Variants in DSG1 observed in about 807,000 individuals in gnomAD.
The protein encoded by DSG1 is desmoglein-1.
Under a neutral mutation model 97.5 loss-of-function variants are expected in DSG1, and 39 were observed. The ratio of observed to expected loss-of-function variants is 0.40; its 90% CI spans 0.31 to 0.52. The LOEUF is 0.52. DSG1 is among the 20% of genes least tolerant of loss of function. DSG1 has a pLI of 0.53. For missense variants in DSG1, 1,311 were observed against 1,295.4 expected (o/e 1.01, Z -0.18); for synonymous variants, 475 against 443.4 (o/e 1.07, Z -0.90).
chr18:31,323,667 T>C (rs2071667438), intron 1 of DSG1, among the ~76,000 whole-genome samples: 1 of 152,196 alleles, frequency 6.6e-6, no homozygotes, highest in Non-Finnish European at 1.5e-5. Flanking sequence ...ATCTTGTCCC[T>C]CTGTTCCCTT....
chr18:31,325,594 C>T (rs760617629), intron 1 of DSG1, among the ~76,000 whole-genome samples: 9 of 151,904 alleles, frequency 5.9e-5, no homozygotes, highest in Admixed American at 1.3e-4. Flanking sequence ...AAATTTGGGC[C>T]ATTTACTTTT....
intron 13 of DSG1, chr18:31,345,345 CT>C (rs199851697): frequency 1.1e-4 from 17 of 149,782 alleles, no homozygotes; most frequent in Non-Finnish European, 1.5e-4. Context: ...TCAAATATTT[CT>C]TTTTTTTTTA....
intron 14 of DSG1, among the ~76,000 whole-genome samples, chr18:31,351,416 G>A (rs2144120559): frequency 6.8e-6 from 1 of 148,064 alleles, no homozygotes; most frequent in Non-Finnish European, 1.5e-5. Context: ...GAATAGGTGT[G>A]GTGTGGTGCT....
At chr18:31,340,649 A>G (rs2071783419) in intron 11 of DSG1, among the ~76,000 whole-genome samples, 2 of 152,132 alleles carry the variant, frequency 1.3e-5, no homozygotes, top group African/African-American at 4.8e-5. Context: ...TGGACAAGAG[A>G]AAGGGAACAC....
chr18:31,347,450 A>G (rs1284815099), intron 14 of DSG1, among the ~76,000 whole-genome samples: 1 of 152,104 alleles, frequency 6.6e-6, no homozygotes, highest in East Asian at 1.9e-4. Context: ...CTCACCCAAA[A>G]TGTAAGCTCT....
chr18:31,324,263 TGA>T (rs2071672304), intron 1 of DSG1, among the ~76,000 whole-genome samples: 1 of 150,500 alleles, frequency 6.6e-6, no homozygotes, highest in Admixed American at 6.6e-5. Context: ...ATTACAGGCG[TGA>T]GCCACAGCGC....
chr18:31,326,578 C>G lies in DSG1; in HGVS notation c.49-3C>G. ...ACTAGTGTGATTATCTTATTTTTTACAGGTGGTGGTAGAAGTTAACAGTGA... is the reference window on the plus strand; with the variant it reads ...ACTAGTGTGATTATCTTATTTTTTAGAGGTGGTGGTAGAAGTTAACAGTGA... On this transcript the variant is annotated splice_region_variant and splice_polypyrimidine_tract_variant and intron_variant, in intron 1 of 14. Coordinates refer to ENST00000257192, the MANE Select transcript of DSG1 (RefSeq NM_001942.4). 6.3e-7 allele frequency: 1 copy of G among 1,596,384 alleles called. No individual in the cohort carries two copies. Among genetic ancestry groups the G allele is most frequent in the Non-Finnish European group, 8.6e-7 (1 of 1,165,202 alleles).
chr18:31,347,813 C>G (rs1026784957), intron 14 of DSG1: 2 of 152,138 alleles, frequency 1.3e-5, no homozygotes, highest in African/African-American at 4.8e-5. Context: ...TCATCATATT[C>G]ACTCCATCTG....
In DSG1 at chr18:31,358,254, A is replaced by G. The variant is rs2071975206; in HGVS notation, c.*2908A>G. ...AAAATCAGTGTATTATAAATACTTTACCATTTAATATCAACCAAAATACCA... is the reference window on the plus strand; with the variant it reads ...AAAATCAGTGTATTATAAATACTTTGCCATTTAATATCAACCAAAATACCA... On this transcript the variant is annotated 3_prime_UTR_variant, in exon 15 of 15. Coordinates refer to ENST00000257192, the MANE Select transcript of DSG1 (RefSeq NM_001942.4). Among the ~76,000 whole-genome samples the G allele has an allele frequency of 6.6e-6, 1 of 152,028 alleles. No homozygotes were observed. Among genetic ancestry groups the G allele is most frequent in the African/African-American group, 2.4e-5 (1 of 41,456 alleles).
At chr18:31,343,298 AC>A in intron 11 of DSG1, 151 bp from the exon 12 acceptor site, 1 of 1,074,232 alleles carries the variant, frequency 9.3e-7, no homozygotes, top group Non-Finnish European at 1.4e-6. Context: ...TTGGGGTCTG[AC>A]CATCATTCAG....
chr18:31,328,601 A>C (rs1438030091), intron 4 of DSG1, among the ~76,000 whole-genome samples: 1 of 152,162 alleles, frequency 6.6e-6, no homozygotes, highest in African/African-American at 2.4e-5. Flanking sequence ...TTGGAAGGAC[A>C]ATTACCTAAC....
intron 14 of DSG1, 39 bp from the exon 15 acceptor site, chr18:31,354,258 C>T: frequency 3.9e-6 from 6 of 1,533,060 alleles, no homozygotes; most frequent in Non-Finnish European, 5.4e-6. Context: ...GTTAAATATG[C>T]ATTCATAATT....
At chr18:31,321,162 G>A (rs562129376) in intron 1 of DSG1, among the ~76,000 whole-genome samples, 27 of 151,774 alleles carry the variant, frequency 1.8e-4, no homozygotes, top group Middle Eastern at 6.8e-3. Context: ...AGTTTGAACC[G>A]AACTGAAATT....
chr18:31,324,202 TCA>T (rs2071671616), intron 1 of DSG1, among the ~76,000 whole-genome samples: 2 of 151,834 alleles, frequency 1.3e-5, no homozygotes, highest in South Asian at 4.2e-4. Context: ...CAGGATGTTC[TCA>T]GTCTCCTGAC....
At position 31,358,325 on chromosome 18, in the gene DSG1, A is replaced by G. The variant is rs114729285; in HGVS notation, c.*2979A>G. Among the ~76,000 whole-genome samples the G allele has an allele frequency of 4.9e-3, 750 of 152,126 alleles. 6 individuals carry two copies. The highest frequency in any genetic ancestry group is 0.017 in the African/African-American group (721 of 41,572). Reference sequence around the variant, plus strand: ...TGAATTACAGATATATCTGCTACATATTATTTACTTCTAAGCATGTTGTCT... The same window carrying G: ...TGAATTACAGATATATCTGCTACATGTTATTTACTTCTAAGCATGTTGTCT... On this transcript the variant is annotated 3_prime_UTR_variant, in exon 15 of 15. Transcript: ENST00000257192.
At chr18:31,348,057 C>T (rs1234478302) in intron 14 of DSG1, among the ~76,000 whole-genome samples, 8 of 150,964 alleles carry the variant, frequency 5.3e-5, no homozygotes, top group Admixed American at 2.0e-4. Flanking sequence ...CATGCTGGTG[C>T]GCTGCACCCA....
At chr18:31,323,282 G>A (rs1422011156) in intron 1 of DSG1, among the ~76,000 whole-genome samples, 20 of 152,128 alleles carry the variant, frequency 1.3e-4, no homozygotes, top group Admixed American at 1.3e-3. Flanking sequence ...CTAATTGTCA[G>A]AAAATAACCT....
At chr18:31,338,067 G>T (rs1469521395) in intron 9 of DSG1, among the ~76,000 whole-genome samples, 1 of 152,130 alleles carries the variant, frequency 6.6e-6, no homozygotes, top group Non-Finnish European at 1.5e-5. Flanking sequence ...TGACATCCAA[G>T]TGGGCATAAA....
Position 31,331,643 on chromosome 18 carries a change from C to T in DSG1, c.518-58C>T, listed in dbSNP as rs16961651. The T allele has an allele frequency of 0.04, 61,368 of 1,531,610 alleles. 2,060 individuals are homozygous for T. Among genetic ancestry groups the T allele is most frequent in the South Asian group, 0.13 (11,206 of 87,020 alleles). The allele number at this position is 1,531,610 out of a possible 1,614,324, so 94.9% of individuals were successfully genotyped here. A position where few individuals can be genotyped will look rare whatever the true frequency, so the allele number is the denominator to read the frequency against. On this transcript the variant is annotated intron_variant, in intron 5 of 14. Transcript: ENST00000257192. ...AACACTTTTTTGGAAAGGTGATATA[C>T]TCTACTGTAACAAAAATGTAAATCA...
Sources: gnomAD v4.1 joint callset for allele counts (sites outside exome capture counted in the v4.1 genomes callset) on GRCh38, gnomAD v4.1.1 for gene constraint, MANE v1.5 for transcripts, NCBI Gene and HGNC (gene_info 2026-07-23, HGNC 2026-07-21) for gene names.